SCN4A: variants seen among roughly 807,000 people sequenced by gnomAD.
SCN4A encodes sodium voltage-gated channel alpha subunit 4, also known as sodium channel protein type 4 subunit alpha.
Under a neutral mutation model 162.0 loss-of-function variants are expected in SCN4A, and 83 were observed. The observed-to-expected ratio is 0.51, with a 90% confidence interval of 0.43 to 0.61. The LOEUF (loss-of-function observed/expected upper bound fraction) is 0.61, where lower values mean the gene tolerates loss of function less well. Ranked by LOEUF, SCN4A falls within the 20% of genes least tolerant of loss-of-function variation. The pLI, the probability that SCN4A is intolerant of heterozygous loss-of-function variation, is 0.00. For missense variants in SCN4A, 2,196 were observed against 2,462.5 expected, an observed-to-expected ratio of 0.89 and a Z score of 2.29; for synonymous variants, 944 against 985.1, an observed-to-expected ratio of 0.96 and a Z score of 0.78.
intron 8 of SCN4A, among the ~76,000 whole-genome samples, chr17:63,965,132 C>T (rs1909397863): frequency 6.6e-6 from 1 of 151,664 alleles, no homozygotes; most frequent in African/African-American, 2.4e-5. Flanking sequence ...GCAACCTCCA[C>T]CTCCCAGGTT....
rs747113277 is a variant in SCN4A at position 63,968,112 on chromosome 17, T to C, written c.947A>G (p.Asp316Gly). 8 of 1,613,520 alleles carry C rather than the reference T, an allele frequency of 5.0e-6. No individual in the cohort carries two copies. The African/African-American group carries it at 1.1e-4, about 22-fold the overall frequency. ...WYGNEMWYGN[D>G]SWYANDTWNS... ...CCACGTGTCGTTGGCATACCATGAG[T>C]CATTGCCGTACCACATCTCATTGCC... The change falls in exon 6 of 24, where the codon GAC becomes GGC. Residue 316 changes from aspartate (D) to glycine (G), a missense_variant. By Grantham distance (94) the Asp-to-Gly change is moderately conservative. Coordinates refer to ENST00000435607, the MANE Select transcript of SCN4A (RefSeq NM_000334.4).
At position 63,940,832 on chromosome 17, in the gene SCN4A, C is replaced by T; in HGVS notation, c.5450G>A (p.Trp1817Ter). The T allele has an allele frequency of 6.2e-7, 1 of 1,608,508 alleles. No homozygotes were observed. The highest frequency in any genetic ancestry group is 8.5e-7 in the Non-Finnish European group (1 of 1,176,358). ...CTGCCCTGGGGGAGGGGCGGGAGGC[C>T]AGGCAGTGTCTGAGGGGCTGATGGG... ...LMPISPSDTA[W>*]PPAPPPGQTV... is the part of the protein sequence containing the mutation. The change falls in exon 24 of 24, where the codon TGG (tryptophan) becomes TAG (stop). Residue 1817 changes from tryptophan (W) to a stop codon, truncating the protein, a stop_gained. Transcript: ENST00000435607. LOFTEE classifies it high-confidence loss of function.
At chr17:63,946,529 A>G (rs1226298875) in intron 18 of SCN4A, among the ~76,000 whole-genome samples, 1 of 124,510 alleles carries the variant, frequency 8.0e-6, no homozygotes, top group Non-Finnish European at 1.6e-5. Context: ...GCCTGAGTGG[A>G]TCTTCCCCAA....
chr17:63,940,789 G>T lies in SCN4A; in HGVS notation c.5493C>A (p.Val1831=), dbSNP rs1416388011. The change falls in exon 24 of 24, where the codon GTC becomes GTA. Residue 1831 remains valine, a synonymous_variant. Coordinates refer to ENST00000435607, the MANE Select transcript of SCN4A (RefSeq NM_000334.4). ...CTGCCTGCTAGACAAGAGACTCCTT[G>T]ACACCTGGGCGCACAGTCTGCCCTG... ...PPPGQTVRPG[V]KESLV 1 of 1,579,186 alleles carries T rather than the reference G, an allele frequency of 6.3e-7. No individual in the cohort carries two copies. Among genetic ancestry groups the T allele is most frequent in the Admixed American group, 1.8e-5 (1 of 55,124 alleles).
intron 13 of SCN4A, among the ~76,000 whole-genome samples, chr17:63,956,335 C>T (rs886610099): frequency 1.2e-4 from 19 of 152,216 alleles, no homozygotes; most frequent in African/African-American, 3.4e-4. Flanking sequence ...TTGAAGTCCA[C>T]GGCTCAAACC....
In SCN4A at chr17:63,941,924, G is replaced by T. The variant is rs779470034; in HGVS notation, c.4358C>A (p.Ala1453Glu). 6.2e-7 allele frequency: 1 copy of T among 1,610,210 alleles called. No homozygotes were observed. Among genetic ancestry groups the T allele is most frequent in the South Asian group, 1.1e-5 (1 of 90,976 alleles). Reference sequence around the variant, plus strand: ...CAGCCGCAGGACACGCCCAATCCGCGCCAGGCGGATCACACGGAACAGCGT... The same window carrying T: ...CAGCCGCAGGACACGCCCAATCCGCTCCAGGCGGATCACACGGAACAGCGT... ...SPTLFRVIRL[A>E]RIGRVLRLIR... Residue 1453 changes from alanine to glutamate, a missense_variant, in exon 24 of 24, where the codon GCG becomes GAG. By Grantham distance (107) the Ala-to-Glu change is moderately radical. Coordinates refer to ENST00000435607, the MANE Select transcript of SCN4A (RefSeq NM_000334.4). This position sits in a 1 kb window ranked among gnomAD's most constrained non-coding sequence, Gnocchi z 6.2.
chr17:63,966,417 C>T, intron 7 of SCN4A, 64 bp downstream of exon 7: 2 of 1,509,372 alleles, frequency 1.3e-6, no homozygotes, highest in Non-Finnish European at 1.8e-6. Flanking sequence ...GTCCTCATCT[C>T]TAATCAGCTC....
rs1597986055 is a variant in SCN4A at position 63,969,203 on chromosome 17, C to G, written c.704-848G>C. 2.0e-5 allele frequency among the ~76,000 whole-genome samples: 3 copies of G among 152,194 alleles called. No individual in the cohort carries two copies. The East Asian group carries it at 5.8e-4, about 29-fold the overall frequency. On this transcript the variant is annotated intron_variant, in intron 5 of 23. Coordinates refer to ENST00000435607, the MANE Select transcript of SCN4A (RefSeq NM_000334.4). ...CATATTTGACCACAGAACCCTTTTC[C>G]TTAAAATGCCTAGTAGCACCCGAGG... is the stretch of plus-strand genomic sequence containing the variant.
chr17:63,946,469 C>G (rs556993590), intron 18 of SCN4A, among the ~76,000 whole-genome samples: 37 of 128,424 alleles, frequency 2.9e-4, no homozygotes, highest in African/African-American at 6.2e-4. Flanking sequence ...CTTGCCCCCC[C>G]CCCCACCCCG....
Position 63,959,445 on chromosome 17 carries a change from G to T in SCN4A, c.1846-7C>A. On this transcript the variant is annotated splice_polypyrimidine_tract_variant and splice_region_variant and intron_variant, in intron 11 of 23. Transcript: ENST00000435607. The stretch of plus-strand genomic sequence containing the variant: ...TGAAGATGCCTGTGAAGACCTAGGG[G>T]GTGGCATGAGGCCCTGTCACAGAGC... The T allele has an allele frequency of 6.2e-7, 1 of 1,612,232 alleles. No homozygotes were observed. The highest frequency in any genetic ancestry group is 8.5e-7 in the Non-Finnish European group (1 of 1,179,064).
At position 63,944,897 on chromosome 17, in the gene SCN4A, C is replaced by T; in HGVS notation, c.3775-87G>A. 6.3e-7 allele frequency: 1 copy of T among 1,595,274 alleles called. No individual in the cohort carries two copies. Among genetic ancestry groups the T allele is most frequent in the Non-Finnish European group, 8.6e-7 (1 of 1,168,916 alleles). On this transcript the variant is annotated intron_variant, in intron 20 of 23. Coordinates refer to ENST00000435607, the MANE Select transcript of SCN4A (RefSeq NM_000334.4). The surrounding 1 kb of genome is among the most constrained non-coding windows in gnomAD (Gnocchi z 4.3). ...AGCCCTGAGGGCAGGACCCATCCAC[C>T]CCCAGGGCTGCCAAGTCTCGGGGAC...
At chr17:63,968,999 C>G (rs976588618) in intron 5 of SCN4A, among the ~76,000 whole-genome samples, 1 of 152,086 alleles carries the variant, frequency 6.6e-6, no homozygotes, top group African/African-American at 2.4e-5. Flanking sequence ...GCCACCACAC[C>G]CAGCTCATTT....
At position 63,948,592 on chromosome 17, in the gene SCN4A, G is replaced by A; in HGVS notation, c.3144+19C>T. 6.2e-7 allele frequency: 1 copy of A among 1,608,758 alleles called. No individual in the cohort carries two copies. Among genetic ancestry groups the A allele is most frequent in the Non-Finnish European group, 8.5e-7 (1 of 1,176,690 alleles). Reference sequence around the variant, plus strand: ...GGCCTGGCCCCTGCCCCTGACCCGTGCTCCCAGGCAGTGCCTACCAGAGCC... The same window carrying A: ...GGCCTGGCCCCTGCCCCTGACCCGTACTCCCAGGCAGTGCCTACCAGAGCC... On this transcript the variant is annotated intron_variant, in intron 16 of 23. Transcript: ENST00000435607.
rs772218988 is a variant in SCN4A, at chr17:63,959,252, G to T, written c.2019+13C>A. The T allele has an allele frequency of 1.9e-6, 3 of 1,604,226 alleles. No homozygotes were observed. The highest frequency in any genetic ancestry group is 1.7e-6 in the Non-Finnish European group (2 of 1,172,350). Reference sequence around the variant, plus strand: ...CCCCCATCCCAGCCCCTGGCCCTGGGGCTTTTGTGTACCAGACGGAAGGAG... The same window carrying T: ...CCCCCATCCCAGCCCCTGGCCCTGGTGCTTTTGTGTACCAGACGGAAGGAG... On this transcript the variant is annotated intron_variant, in intron 12 of 23. Coordinates refer to ENST00000435607, the MANE Select transcript of SCN4A (RefSeq NM_000334.4).
chr17:63,966,464 C>A lies in SCN4A; in HGVS notation c.1100+17G>T. ...GACCCCTGGGGTGCCTTTTCTGCATCCCTTAGCATCACTCACCCAGCATCA... is the reference window on the plus strand; with the variant it reads ...GACCCCTGGGGTGCCTTTTCTGCATACCTTAGCATCACTCACCCAGCATCA... On this transcript the variant is annotated intron_variant, in intron 7 of 23. Transcript: ENST00000435607. The A allele has an allele frequency of 6.2e-7, 1 of 1,612,312 alleles. No homozygotes were observed. The highest frequency in any genetic ancestry group is 8.5e-7 in the Non-Finnish European group (1 of 1,178,402).
intron 22 of SCN4A, 142 bp from the exon 23 acceptor site, chr17:63,943,238 A>G (rs1385409877): frequency 2.1e-5 from 20 of 967,108 alleles, no homozygotes; most frequent in South Asian, 1.3e-4. Flanking sequence ...GAGAGAGAGA[A>G]AGGAGGTGTT....
rs140282186 is a variant in SCN4A at position 63,955,402 on chromosome 17, C to T, written c.2376+1760G>A. ...CCTGCAACACCTGTACTCCCAGCCA[C>T]GTGGCCAGGCACTTTGGTAAGCACT... On this transcript the variant is annotated intron_variant, in intron 13 of 23. Coordinates refer to ENST00000435607, the MANE Select transcript of SCN4A (RefSeq NM_000334.4). Among the ~76,000 whole-genome samples the T allele has an allele frequency of 7.7e-4, 118 of 152,320 alleles. 1 individual carries two copies. Among genetic ancestry groups the T allele is most frequent in the African/African-American group, 2.7e-3 (111 of 41,564 alleles).
Position 63,957,313 on chromosome 17 carries a change from C to T in SCN4A, c.2225G>A (p.Trp742Ter). Reference protein sequence around the residue: ...KIALDCNLPRWHMHDFFHSFL... With the variant: ...KIALDCNLPR ...GGAGTGGAAGAAATCATGCATGTGCCAGCGCGGCAGGTTGCAGTCCAAGGC... is the reference window on the plus strand; with the variant it reads ...GGAGTGGAAGAAATCATGCATGTGCTAGCGCGGCAGGTTGCAGTCCAAGGC... Residue 742 changes from tryptophan (W) to a stop codon, truncating the protein, a stop_gained, in exon 13 of 24, where the codon TGG (tryptophan) becomes TAG (stop). Coordinates refer to ENST00000435607, the MANE Select transcript of SCN4A (RefSeq NM_000334.4). LOFTEE classifies it high-confidence loss of function. 1 of 1,614,160 alleles carries T rather than the reference C, an allele frequency of 6.2e-7. No homozygotes were observed. Among genetic ancestry groups the T allele is most frequent in the South Asian group, 1.1e-5 (1 of 91,088 alleles).
chr17:63,940,734 T>C lies in SCN4A; in HGVS notation c.*37A>G. The C allele has an allele frequency of 1.3e-6, 2 of 1,525,890 alleles. No homozygotes were observed. The highest frequency in any genetic ancestry group is 1.8e-6 in the Non-Finnish European group (2 of 1,136,838). The allele number at this position is 1,525,890 out of a possible 1,614,324, so 94.5% of individuals were successfully genotyped here. On this transcript the variant is annotated 3_prime_UTR_variant, in exon 24 of 24. Transcript: ENST00000435607. ...GGCACCACGGGGGAGCTCTGGGGAC[T>C]ATGCCGAGACTCAGTGGGCCACCCC...
Sources: allele counts gnomAD v4.1 joint callset (sites outside exome capture counted in the v4.1 genomes callset), GRCh38; gene constraint gnomAD v4.1.1; non-coding constraint Gnocchi (gnomAD v3.1); transcripts MANE v1.5; gene names NCBI Gene and HGNC (gene_info 2026-07-23, HGNC 2026-07-21).